The following ZNF398 variants were observed in gnomAD, a reference collection of about 807,000 sequenced individuals.
ZNF398 encodes zinc finger protein 398, also known as zinc finger DNA binding protein ZER6.
Under a neutral mutation model 41.9 loss-of-function variants are expected in ZNF398, and 18 were observed. The ratio of observed to expected loss-of-function variants is 0.43; its 90% confidence interval spans 0.30 to 0.64. ZNF398 has a LOEUF of 0.64. Among genes scored for constraint, ZNF398 ranks in the 30% least tolerant of loss-of-function variants. ZNF398 has a pLI of 0.14. For synonymous variants in ZNF398, 260 were observed against 308.8 expected, an observed-to-expected ratio of 0.84 and a Z score of 1.66; for missense variants, 669 against 822.8, an observed-to-expected ratio of 0.81 and a Z score of 2.29.
At chr7:149,156,504 C>CAAA (rs1184656145) in intron 2 of ZNF398, among the ~76,000 whole-genome samples, 25 of 36,280 alleles carry the variant, frequency 6.9e-4, no homozygotes, top group East Asian at 2.6e-3. Flanking sequence ...GACTCCATCT[C>CAAA]AAAAAAAAAA....
At chr7:149,155,726 TTTTAA>T (rs1794959320) in intron 2 of ZNF398, among the ~76,000 whole-genome samples, 2 of 93,058 alleles carry the variant, frequency 2.1e-5, no homozygotes, top group African/African-American at 8.5e-5. Flanking sequence ...TTTTTTTTTT[TTTTAA>T]TTTTTTTTTT....
chr7:149,177,761 T>C (rs1310103924), intron 5 of ZNF398, among the ~76,000 whole-genome samples: 3 of 152,152 alleles, frequency 2.0e-5, no homozygotes, highest in South Asian at 4.1e-4. Flanking sequence ...AGTTCTTGAG[T>C]AGAGGTAAAA....
chr7:149,133,683 ATATATGTGTG>A (rs1444187205), intron 2 of ZNF398, among the ~76,000 whole-genome samples: 48 of 39,998 alleles, frequency 1.2e-3, no homozygotes, highest in South Asian at 3.8e-3. Flanking sequence ...ATATATACAT[ATATATGTGTG>A]TATATATATA....
intron 2 of ZNF398, among the ~76,000 whole-genome samples, chr7:149,135,628 T>A (rs1826693916): frequency 6.8e-6 from 1 of 146,920 alleles, no homozygotes. Flanking sequence ...TCCATGTCGC[T>A]AAACACTACC....
chr7:149,148,432 G>A, intron 1 of ZNF398: 1 of 985,526 alleles, frequency 1.0e-6, no homozygotes, highest in South Asian at 4.7e-5. Context: ...GAATGAGAAG[G>A]GGACGGTCAG....
At chr7:149,139,849 C>G (rs1826786011) in intron 2 of ZNF398, among the ~76,000 whole-genome samples, 1 of 150,750 alleles carries the variant, frequency 6.6e-6, no homozygotes, top group Non-Finnish European at 1.5e-5. Context: ...ACTAAAAATA[C>G]AAAAAATTAG....
intron 2 of ZNF398, among the ~76,000 whole-genome samples, chr7:149,138,916 A>AT (rs35109418): frequency 0.72 from 104,118 of 144,942 alleles, 37,628 homozygotes; most frequent in East Asian, 0.9. Context: ...TGCCCAGCTA[A>AT]TTTTTTTTTT....
At chr7:149,177,926 A>G (rs1290238891) in intron 5 of ZNF398, among the ~76,000 whole-genome samples, 4 of 152,106 alleles carry the variant, frequency 2.6e-5, no homozygotes, top group Non-Finnish European at 4.4e-5. Context: ...AGGCAGGTGG[A>G]TTACTTGACA....
At chr7:149,127,548 CAA>C (rs61080328) in intron 1 of ZNF398, among the ~76,000 whole-genome samples, 18 of 74,902 alleles carry the variant, frequency 2.4e-4, no homozygotes, top group Admixed American at 4.0e-4. Context: ...ACTAAAAATA[CAA>C]AAAAAAAAAA....
chr7:149,129,684 ACAGTT>A (rs1826560633), intron 2 of ZNF398, among the ~76,000 whole-genome samples: 7 of 150,804 alleles, frequency 4.6e-5, no homozygotes, highest in Non-Finnish European at 8.9e-5. Context: ...CTGGCCTACA[ACAGTT>A]TTATTTTAAT....
intron 4 of ZNF398, among the ~76,000 whole-genome samples, chr7:149,174,087 C>G (rs577300537): frequency 6.6e-6 from 1 of 152,216 alleles, no homozygotes; most frequent in African/African-American, 2.4e-5. Flanking sequence ...ACCCACCATG[C>G]CCGGCCTGAT....
At chr7:149,142,716 G>A (rs924851757), upstream of ZNF398, among the ~76,000 whole-genome samples, 2 of 152,092 alleles carry the variant, frequency 1.3e-5, no homozygotes, top group African/African-American at 2.4e-5. Context: ...GAAGAATCAC[G>A]CTTAACTTTT....
rs114750953 is a variant in ZNF398, at chr7:149,151,036, G to C, written c.25-2909G>C. 8.6e-3 allele frequency among the ~76,000 whole-genome samples: 1,315 copies of C among 152,244 alleles called. 14 individuals are homozygous for C. The highest frequency in any genetic ancestry group is 0.03 in the African/African-American group (1,246 of 41,538). On this transcript the variant is annotated intron_variant, in intron 1 of 5. Coordinates refer to ENST00000475153, the MANE Select transcript of ZNF398 (RefSeq NM_170686.3). Reference sequence around the variant, plus strand: ...CTCCAGCTGATTCTTATTCATGTTAGTTTGAGGACAAACTGTACTAAAAGC... The same window carrying C: ...CTCCAGCTGATTCTTATTCATGTTACTTTGAGGACAAACTGTACTAAAAGC...
rs148643688 is a variant in ZNF398, at chr7:149,155,730, A to ATTT, written c.420+1390_420+1391insTTT. On this transcript the variant is annotated intron_variant, in intron 2 of 5. Coordinates refer to ENST00000475153, the MANE Select transcript of ZNF398 (RefSeq NM_170686.3). ...ATATTTTTTTTTTTTTTTTTTTTTTAATTTTTTTTTTTTTGAGATGGAGTC... is the reference window on the plus strand; with the variant it reads ...ATATTTTTTTTTTTTTTTTTTTTTTATTTATTTTTTTTTTTTTGAGATGGAGTC... Among the ~76,000 whole-genome samples, 414 of 92,222 alleles carry ATTT rather than the reference A, an allele frequency of 4.5e-3. 1 individual carries two copies. The highest frequency in any genetic ancestry group is 0.015 in the African/African-American group (347 of 23,380). The allele number at this position is 92,222 out of a possible 152,430, so 60.5% of individuals were successfully genotyped here. A position where few individuals can be genotyped will look rare whatever the true frequency, so the allele number is the denominator to read the frequency against.
intron 2 of ZNF398, among the ~76,000 whole-genome samples, chr7:149,164,032 A>C (rs1795171790): frequency 6.6e-6 from 1 of 151,938 alleles, no homozygotes. Flanking sequence ...GGATTGCTTG[A>C]ACCCAGGAGA....
intron 2 of ZNF398, among the ~76,000 whole-genome samples, chr7:149,158,474 C>A (rs1432212494): frequency 3.9e-5 from 6 of 152,130 alleles, no homozygotes; most frequent in South Asian, 4.1e-4. Context: ...TCATAGAGAA[C>A]CTTCTCCATA....
chr7:149,141,451 T>TTTC (rs1826823537), intron 2 of ZNF398, among the ~76,000 whole-genome samples: 1 of 130,876 alleles, frequency 7.6e-6, no homozygotes, highest in Non-Finnish European at 1.6e-5. Context: ...ACTTTTCTTT[T>TTTC]TTTTCTTTTT....
chr7:149,143,580 G>C (rs1471479630), upstream of ZNF398, among the ~76,000 whole-genome samples: 1 of 152,172 alleles, frequency 6.6e-6, no homozygotes, highest in African/African-American at 2.4e-5. Context: ...CTGGGAGGCC[G>C]AGGTGGGCAG....
At chr7:149,161,555 A>T (rs1281909306) in intron 2 of ZNF398, among the ~76,000 whole-genome samples, 1 of 152,164 alleles carries the variant, frequency 6.6e-6, no homozygotes. Flanking sequence ...ACAGAGTGAG[A>T]CCCTGTCTTA....
Sources: allele counts gnomAD v4.1 joint callset (sites outside exome capture counted in the v4.1 genomes callset), GRCh38; gene constraint gnomAD v4.1.1; transcripts MANE v1.5; gene names NCBI Gene and HGNC (gene_info 2026-07-23, HGNC 2026-07-21).